GLRA1: variants seen among roughly 807,000 people sequenced by gnomAD.
The protein encoded by GLRA1 is glycine receptor alpha 1.
Under a neutral mutation model 48.3 loss-of-function variants are expected in GLRA1, and 37 were observed. That is an observed-to-expected ratio of 0.77 (90% CI 0.59 to 1.01). The LOEUF (loss-of-function observed/expected upper bound fraction) is 1.01, where lower values mean the gene tolerates loss of function less well. Ranked by LOEUF, GLRA1 falls within the 50% of genes least tolerant of loss-of-function variation. The pLI is 0.00. For missense variants in GLRA1, 427 were observed against 571.0 expected (o/e 0.75, Z 2.57); for synonymous variants, 196 against 210.7 (o/e 0.93, Z 0.60).
intron 7 of GLRA1, among the ~76,000 whole-genome samples, chr5:151,844,169 T>TC: frequency 6.9e-6 from 1 of 144,888 alleles, no homozygotes; most frequent in South Asian, 2.2e-4. Context: ...GACTATGTCT[T>TC]AAAAAAAAAA....
At chr5:151,866,142 C>A (rs1753329545) in intron 3 of GLRA1, among the ~76,000 whole-genome samples, 1 of 152,148 alleles carries the variant, frequency 6.6e-6, no homozygotes, top group South Asian at 2.1e-4. Context: ...AAACCTGAAG[C>A]AGGAGGGATT....
At chr5:151,834,563 G>A (rs1166406952) in intron 7 of GLRA1, among the ~76,000 whole-genome samples, 1 of 152,056 alleles carries the variant, frequency 6.6e-6, no homozygotes, top group African/African-American at 2.4e-5. Flanking sequence ...AGAATTAAAA[G>A]AACTAGAAAA....
intron 7 of GLRA1, among the ~76,000 whole-genome samples, chr5:151,847,320 TGAA>T (rs1752700689): frequency 6.6e-6 from 1 of 151,618 alleles, no homozygotes; most frequent in South Asian, 2.1e-4. Context: ...TAAAAGAGAG[TGAA>T]GTAGAATGAA....
intron 4 of GLRA1, among the ~76,000 whole-genome samples, chr5:151,857,177 G>T (rs1753068499): frequency 1.3e-5 from 2 of 152,240 alleles, no homozygotes; most frequent in South Asian, 4.1e-4. Context: ...AGCCAACTTT[G>T]CCCAGCCTAG....
In GLRA1 at chr5:151,855,079, C is replaced by G. The variant is rs762114136; in HGVS notation, c.658G>C (p.Glu220Gln). The change falls in exon 6 of 9, where the codon GAG becomes CAG. Residue 220 changes from glutamate (E) to glutamine (Q), a missense_variant. Glu to Gln is a conservative substitution (Grantham distance 29). Around this residue, in one of 4 missense-constraint regions of GLRA1, gnomAD observed 271 missense variants for 434.9 expected, o/e 0.62. Transcript: ENST00000274576. Reference sequence around the variant, plus strand: ...TTGGTGCAGTATCTCAAGTCCTTCTCTTCCTTCAAGATAAACTGGGGCAGA... The same window carrying G: ...TTGGTGCAGTATCTCAAGTCCTTCTGTTCCTTCAAGATAAACTGGGGCAGA... ...LTLPQFILKE[E>Q]KDLRYCTKHY... The G allele has an allele frequency of 7.4e-6, 12 of 1,614,156 alleles. No individual in the cohort carries two copies. The highest frequency in any genetic ancestry group is 8.5e-6 in the Non-Finnish European group (10 of 1,180,006).
At chr5:151,853,799 A>T (rs1752969640) in intron 6 of GLRA1, among the ~76,000 whole-genome samples, 1 of 152,014 alleles carries the variant, frequency 6.6e-6, no homozygotes, top group Non-Finnish European at 1.5e-5. Flanking sequence ...GATTAGGAAG[A>T]TTTGTCCTCA....
At chr5:151,911,468 T>C (rs1754605486) in intron 1 of GLRA1, among the ~76,000 whole-genome samples, 1 of 152,234 alleles carries the variant, frequency 6.6e-6, no homozygotes, top group African/African-American at 2.4e-5. Flanking sequence ...GAAGGGATAA[T>C]TATAATTCCC....
At chr5:151,913,065 A>G (rs1449453717) in intron 1 of GLRA1, among the ~76,000 whole-genome samples, 2 of 152,248 alleles carry the variant, frequency 1.3e-5, no homozygotes, top group Non-Finnish European at 2.9e-5. Flanking sequence ...AAATGATGCT[A>G]GAGATGGGTC....
chr5:151,898,043 A>C (rs1191422357), intron 1 of GLRA1, among the ~76,000 whole-genome samples: 1 of 152,126 alleles, frequency 6.6e-6, no homozygotes, highest in African/African-American at 2.4e-5. Context: ...AGTAGAGTTC[A>C]ACAGAGGGGT....
chr5:151,854,976 G>A (rs1056377521), intron 6 of GLRA1, 64 bp downstream of exon 6: 2 of 1,514,316 alleles, frequency 1.3e-6, no homozygotes, highest in Admixed American at 1.7e-5. Flanking sequence ...GATTGAATGT[G>A]TCTGAAATGA....
At chr5:151,882,892 A>G (rs1753793377) in intron 3 of GLRA1, among the ~76,000 whole-genome samples, 2 of 152,194 alleles carry the variant, frequency 1.3e-5, no homozygotes, top group Non-Finnish European at 2.9e-5. Flanking sequence ...TTTAAGTGAA[A>G]TGACATATAG....
chr5:151,891,978 C>G (rs578009739), intron 2 of GLRA1, among the ~76,000 whole-genome samples: 1 of 152,292 alleles, frequency 6.6e-6, no homozygotes, highest in South Asian at 2.1e-4. Flanking sequence ...CATCTAAGCT[C>G]AGAGAGTAAG....
intron 1 of GLRA1, among the ~76,000 whole-genome samples, chr5:151,917,282 C>T (rs996541293): frequency 1.3e-5 from 2 of 152,176 alleles, no homozygotes; most frequent in African/African-American, 4.8e-5. Context: ...GAATCTGCAT[C>T]TTAGCAGATC....
At chr5:151,915,480 G>C (rs957022493) in intron 1 of GLRA1, among the ~76,000 whole-genome samples, 1 of 152,100 alleles carries the variant, frequency 6.6e-6, no homozygotes, top group Non-Finnish European at 1.5e-5. Context: ...ATTAGAAAAA[G>C]TATAAGTGTT....
At chr5:151,877,134 A>G (rs978288599) in intron 3 of GLRA1, among the ~76,000 whole-genome samples, 1 of 152,236 alleles carries the variant, frequency 6.6e-6, no homozygotes, top group East Asian at 1.9e-4. Context: ...GTACTTTGTT[A>G]TGGTAGCACA....
chr5:151,877,918 A>G (rs1039949859), intron 3 of GLRA1, among the ~76,000 whole-genome samples: 2 of 152,230 alleles, frequency 1.3e-5, no homozygotes, highest in Non-Finnish European at 2.9e-5. Context: ...AATTGGTACC[A>G]GTAAAGTGGG....
At chr5:151,896,742 T>A (rs1212135113) in intron 1 of GLRA1, among the ~76,000 whole-genome samples, 2 of 152,252 alleles carry the variant, frequency 1.3e-5, no homozygotes, top group Non-Finnish European at 2.9e-5. Flanking sequence ...TTAAATTGTC[T>A]CACTTCTTTT....
chr5:151,885,475 C>T (rs544419025), intron 3 of GLRA1, among the ~76,000 whole-genome samples: 24 of 152,274 alleles, frequency 1.6e-4, no homozygotes, highest in Admixed American at 9.2e-4. Flanking sequence ...GAAGGGCACA[C>T]GTGAACTCAC....
intron 3 of GLRA1, among the ~76,000 whole-genome samples, chr5:151,863,241 A>G (rs1753249082): frequency 6.6e-6 from 1 of 152,092 alleles, no homozygotes; most frequent in Non-Finnish European, 1.5e-5. Flanking sequence ...CATTTCTACC[A>G]GAAAGTACAG....
Sources: allele counts gnomAD v4.1 joint callset (sites outside exome capture counted in the v4.1 genomes callset), GRCh38; gene constraint gnomAD v4.1.1; regional missense constraint gnomAD v4.1.1; transcripts MANE v1.5; gene names NCBI Gene and HGNC (gene_info 2026-07-23, HGNC 2026-07-21).